DENND6A: variants seen among roughly 807,000 people sequenced by gnomAD.
DENND6A encodes the protein protein DENND6A.
A neutral mutation model predicts 95.5 loss-of-function variants in DENND6A; 43 were observed. That is an observed-to-expected ratio of 0.45 (90% CI 0.35 to 0.58). DENND6A has a LOEUF of 0.58. DENND6A is among the 20% of genes least tolerant of loss of function. DENND6A has a pLI of 0.00. For missense variants in DENND6A, 574 were observed against 736.0 expected (o/e 0.78, Z 2.55); for synonymous variants, 257 against 260.4 (o/e 0.99, Z 0.13).
chr3:57,629,099 T>C (rs2070600815), intron 18 of DENND6A, among the ~76,000 whole-genome samples: 1 of 152,212 alleles, frequency 6.6e-6, no homozygotes, highest in South Asian at 2.1e-4. Context: ...TTGTCTCATA[T>C]TTGGAAGTAA....
At position 57,670,756 on chromosome 3, in the gene DENND6A, A is replaced by T. The variant is rs189712160; in HGVS notation, c.319+1500T>A. The stretch of plus-strand genomic sequence containing the variant: ...GCTCATATAGAGAAGTGAAAAAGAG[A>T]GAGGAGCCATGACAACCAGCTATGA... On this transcript the variant is annotated intron_variant, in intron 3 of 19. Coordinates refer to ENST00000311128, the MANE Select transcript of DENND6A (RefSeq NM_152678.3). Among the ~76,000 whole-genome samples the T allele has an allele frequency of 3.7e-4, 56 of 152,292 alleles. 1 individual carries two copies. The highest frequency in any genetic ancestry group is 8.5e-4 in the Admixed American group (13 of 15,294).
chr3:57,646,592 T>C (rs1438298783), intron 9 of DENND6A, among the ~76,000 whole-genome samples, 154 bp from the exon 10 acceptor site: 1 of 152,250 alleles, frequency 6.6e-6, no homozygotes, highest in African/African-American at 2.4e-5. Context: ...AATATGGTGA[T>C]GTATAGAGAC....
At chr3:57,677,419 CTTTTTTTTTT>C (rs71088101) in intron 1 of DENND6A, among the ~76,000 whole-genome samples, 1 of 68,708 alleles carries the variant, frequency 1.5e-5, no homozygotes, top group African/African-American at 6.0e-5. Flanking sequence ...CTTTGTTGTC[CTTTTTTTTTT>C]TTTTTTTTTT....
At chr3:57,672,502 GC>G (rs1479088340) in intron 1 of DENND6A, 64 bp from the exon 2 acceptor site, 1 of 1,515,096 alleles carries the variant, frequency 6.6e-7, no homozygotes, top group Non-Finnish European at 9.1e-7. Context: ...CATATTATAG[GC>G]CAGGCACGGT....
chr3:57,649,913 G>GTA (rs200171075), intron 9 of DENND6A, among the ~76,000 whole-genome samples: 74 of 115,890 alleles, frequency 6.4e-4, no homozygotes, highest in African/African-American at 2.1e-3. Flanking sequence ...CTGACTCTCT[G>GTA]TATATATATA....
chr3:57,646,259 G>C, intron 10 of DENND6A, 57 bp downstream of exon 10: 1 of 1,566,628 alleles, frequency 6.4e-7, no homozygotes, highest in Non-Finnish European at 8.6e-7. Flanking sequence ...TCACCAACAG[G>C]TTAAGTACTG....
chr3:57,682,173 C>T (rs986133462), intron 1 of DENND6A, among the ~76,000 whole-genome samples: 28 of 145,264 alleles, frequency 1.9e-4, no homozygotes, highest in African/African-American at 7.0e-4. Context: ...TTATATTCTG[C>T]GGGAAGCTGA....
chr3:57,667,436 C>T lies in DENND6A; in HGVS notation c.320-1201G>A, dbSNP rs191998491. Among the ~76,000 whole-genome samples, 38 of 151,710 alleles carry T rather than the reference C, an allele frequency of 2.5e-4. No homozygotes were observed. In the East Asian group the frequency reaches 3.5e-3, roughly 14 times the overall value. On this transcript the variant is annotated intron_variant, in intron 3 of 19. Coordinates refer to ENST00000311128, the MANE Select transcript of DENND6A (RefSeq NM_152678.3). ...CCTCCCAAAGTGCTGGGATTACAGG[C>T]GAGAGCCACCACACCTGGCCTTAAA... is the stretch of plus-strand genomic sequence containing the variant.
rs1190479499 is a variant in DENND6A, at chr3:57,641,763, CAAAACAAAAT to C, written c.1038-26_1038-17del. 6.3e-7 allele frequency: 1 copy of C among 1,584,878 alleles called. No individual in the cohort carries two copies. The highest frequency in any genetic ancestry group is 1.1e-5 in the South Asian group (1 of 87,644). On this transcript the variant is annotated splice_polypyrimidine_tract_variant and intron_variant, in intron 11 of 19. Coordinates refer to ENST00000311128, the MANE Select transcript of DENND6A (RefSeq NM_152678.3). ...AACTGAGGGCCTATAAAAAACAAAA[CAAAACAAAAT>C]AAAAAAGGTGAGAAAAAGATGAATG... is the stretch of plus-strand genomic sequence containing the variant.
At chr3:57,631,791 C>T (rs1302404624) in intron 15 of DENND6A, among the ~76,000 whole-genome samples, 3 of 144,342 alleles carry the variant, frequency 2.1e-5, no homozygotes, top group African/African-American at 7.7e-5. Flanking sequence ...GGCGCTATCC[C>T]GGCTCACTGC....
At chr3:57,690,420 C>T (rs1359278736) in intron 1 of DENND6A, among the ~76,000 whole-genome samples, 14 of 151,912 alleles carry the variant, frequency 9.2e-5, no homozygotes, top group African/African-American at 2.7e-4. Context: ...AGGAGAATGG[C>T]GTGAACCTGG....
At chr3:57,668,880 T>A (rs559596839) in intron 3 of DENND6A, among the ~76,000 whole-genome samples, 1 of 152,162 alleles carries the variant, frequency 6.6e-6, no homozygotes, top group Non-Finnish European at 1.5e-5. Flanking sequence ...ACAGTAATCC[T>A]TTTTTTTCTT....
chr3:57,693,066 C>G lies in DENND6A; in HGVS notation c.-48G>C. 7.5e-7 allele frequency: 1 copy of G among 1,338,916 alleles called. No individual in the cohort carries two copies. Among genetic ancestry groups the G allele is most frequent in the Non-Finnish European group, 9.5e-7 (1 of 1,048,042 alleles). The allele number at this position is 1,338,916 out of a possible 1,614,324, so 82.9% of individuals were successfully genotyped here. A position where few individuals can be genotyped will look rare whatever the true frequency, so the allele number is the denominator to read the frequency against. The stretch of plus-strand genomic sequence containing the variant: ...GCCGCCTCCACAGCGGACCGCGCCG[C>G]AGAGCGCGCTTGCCTCCGCGCAGGC... On this transcript the variant is annotated 5_prime_UTR_variant, in exon 1 of 20. Coordinates refer to ENST00000311128, the MANE Select transcript of DENND6A (RefSeq NM_152678.3).
intron 1 of DENND6A, among the ~76,000 whole-genome samples, chr3:57,685,406 T>A (rs1575871370): frequency 6.6e-6 from 1 of 152,306 alleles, no homozygotes; most frequent in Middle Eastern, 3.4e-3. Context: ...CTTGGTGGGA[T>A]CAGAAGTGTT....
intron 9 of DENND6A, chr3:57,654,719 A>C (rs889797562): frequency 5.1e-6 from 5 of 985,070 alleles, no homozygotes; most frequent in Admixed American, 6.2e-5. Context: ...GGTCCATGGA[A>C]TAGACCTTGA....
intron 1 of DENND6A, among the ~76,000 whole-genome samples, chr3:57,673,233 GAAAGAA>G (rs1392647913): frequency 3.5e-4 from 33 of 93,668 alleles, no homozygotes; most frequent in Middle Eastern, 6.0e-3. Flanking sequence ...AAAAAAAAAA[GAAAGAA>G]AAAGAAAAAA....
intron 9 of DENND6A, chr3:57,654,972 T>G (rs1047765086): frequency 4.5e-6 from 1 of 220,290 alleles, no homozygotes; most frequent in African/African-American, 2.3e-5. Flanking sequence ...ATGCTTGATA[T>G]AATACTATCA....
chr3:57,686,296 A>G (rs933186208), intron 1 of DENND6A, among the ~76,000 whole-genome samples: 8 of 152,222 alleles, frequency 5.3e-5, no homozygotes, highest in African/African-American at 1.9e-4. Flanking sequence ...CAAAGTTACT[A>G]AAGTTTATAT....
chr3:57,653,639 G>A (rs968053143), intron 9 of DENND6A, among the ~76,000 whole-genome samples: 13 of 151,658 alleles, frequency 8.6e-5, no homozygotes, highest in South Asian at 6.3e-4. Flanking sequence ...CCAGCTACTC[G>A]GGAGGCTGAG....
Sources: allele counts gnomAD v4.1 joint callset (sites outside exome capture counted in the v4.1 genomes callset), GRCh38; gene constraint gnomAD v4.1.1; transcripts MANE v1.5; gene names NCBI Gene and HGNC (gene_info 2026-07-23, HGNC 2026-07-21).